The following KDM4A variants were observed in gnomAD, a reference collection of about 807,000 sequenced individuals.
KDM4A encodes lysine demethylase 4A, also known as lysine-specific demethylase 4A.
KDM4A carries 23 observed loss-of-function variants against 127.1 expected under a neutral mutation model. The observed-to-expected ratio is 0.18, with a 90% CI of 0.13 to 0.26. The LOEUF (loss-of-function observed/expected upper bound fraction) is 0.26, where lower values mean the gene tolerates loss of function less well. Among genes scored for constraint, KDM4A ranks in the 10% least tolerant of loss-of-function variants. KDM4A has a pLI of 1.00. For missense variants in KDM4A, 890 were observed against 1,329.1 expected, an observed-to-expected ratio of 0.67 and a Z score of 5.14; for synonymous variants, 443 against 466.5, an observed-to-expected ratio of 0.95 and a Z score of 0.65.
intron 11 of KDM4A, among the ~76,000 whole-genome samples, chr1:43,681,337 G>A (rs1190127395): frequency 1.3e-5 from 2 of 152,050 alleles, no homozygotes; most frequent in Admixed American, 6.6e-5. Context: ...GTCCCTGGAA[G>A]GCTTAGTCAA....
intron 4 of KDM4A, among the ~76,000 whole-genome samples, chr1:43,660,923 T>C (rs970422677): frequency 6.6e-6 from 1 of 152,176 alleles, no homozygotes; most frequent in African/African-American, 2.4e-5. Context: ...TTCAGATGAC[T>C]GAAAAACAGT....
chr1:43,702,654 A>C (rs1286697574), intron 19 of KDM4A: 1 of 152,174 alleles, frequency 6.6e-6, no homozygotes, highest in Non-Finnish European at 1.5e-5. Flanking sequence ...TGGGGTACTT[A>C]CCTGCTTCTG....
At chr1:43,665,199 T>C (rs1035359417) in intron 5 of KDM4A, among the ~76,000 whole-genome samples, 34 of 152,266 alleles carry the variant, frequency 2.2e-4, no homozygotes, top group African/African-American at 7.9e-4. Flanking sequence ...GTTGGGGAGA[T>C]AAAGGGAAAG....
Position 43,693,722 on chromosome 1 carries a change from T to C in KDM4A, c.2376-272T>C, listed in dbSNP as rs1443215870. On this transcript the variant is annotated intron_variant, in intron 16 of 21. Coordinates refer to ENST00000372396, the MANE Select transcript of KDM4A (RefSeq NM_014663.3). This position sits in a 1 kb window ranked among gnomAD's most constrained non-coding sequence, Gnocchi z 4.2. The stretch of plus-strand genomic sequence containing the variant: ...GCCACACACCATTAGCCTGCAGCTC[T>C]GTTCATTTTTCAACAGAGTGGTGTA... Among the ~76,000 whole-genome samples the C allele has an allele frequency of 6.6e-6, 1 of 152,224 alleles. No homozygotes were observed. Among genetic ancestry groups the C allele is most frequent in the Non-Finnish European group, 1.5e-5 (1 of 68,028 alleles).
chr1:43,669,220 G>A lies in KDM4A; in HGVS notation c.1284G>A (p.Thr428=), dbSNP rs770567261. 7 of 1,614,086 alleles carry A rather than the reference G, an allele frequency of 4.3e-6. No homozygotes were observed. Among genetic ancestry groups the A allele is most frequent in the East Asian group, 2.2e-5 (1 of 44,898 alleles). ...TGAGTTCTGAGCAGTATGAGATGACGGAGTGCCCGGCAGCCCTCGCCCCTG... is the reference window on the plus strand; with the variant it reads ...TGAGTTCTGAGCAGTATGAGATGACAGAGTGCCCGGCAGCCCTCGCCCCTG... The part of the protein sequence containing the change: ...EDLSSEQYEM[T]ECPAALAPVR... Residue 428 remains threonine (T), a synonymous_variant, in exon 10 of 22, where the codon ACG becomes ACA. Coordinates refer to ENST00000372396, the MANE Select transcript of KDM4A (RefSeq NM_014663.3).
chr1:43,691,030 C>T lies in KDM4A; in HGVS notation c.2223C>T (p.Cys741=), dbSNP rs1372560945. 6.2e-7 allele frequency: 1 copy of T among 1,614,144 alleles called. No individual in the cohort carries two copies. The highest frequency in any genetic ancestry group is 8.5e-7 in the Non-Finnish European group (1 of 1,180,032). The part of the protein sequence containing the change: ...GTSILVSCKK[C]SVRVHASCYG... ...GCATACTCGTTTCCTGCAAGAAGTG[C>T]AGCGTCCGGGTCCATGCCAGTGAGT... The change falls in exon 14 of 22, where the codon TGC becomes TGT. Residue 741 remains cysteine (C), a synonymous_variant. Coordinates refer to ENST00000372396, the MANE Select transcript of KDM4A (RefSeq NM_014663.3).
chr1:43,693,053 T>C lies in KDM4A; in HGVS notation c.2375+742T>C, dbSNP rs538154831. Among the ~76,000 whole-genome samples the C allele has an allele frequency of 1.3e-3, 203 of 152,350 alleles. 2 individuals are homozygous for C. Among genetic ancestry groups the C allele is most frequent in the Middle Eastern group, 3.4e-3 (1 of 294 alleles). On this transcript the variant is annotated intron_variant, in intron 16 of 21. Coordinates refer to ENST00000372396, the MANE Select transcript of KDM4A (RefSeq NM_014663.3). This position sits in a 1 kb window ranked among gnomAD's most constrained non-coding sequence, Gnocchi z 4.2. ...CTGCCCTCAAGAGTCCCAGTTATGC[T>C]GTCCCTGAGAGATAGCTACTCTGCC...
rs370564465 is a variant in KDM4A at position 43,683,738 on chromosome 1, C to T, written c.1789C>T (p.Arg597Cys). The T allele has an allele frequency of 5.4e-5, 87 of 1,614,038 alleles. 1 individual carries two copies. Among genetic ancestry groups the T allele is most frequent in the South Asian group, 4.9e-4 (45 of 91,046 alleles). Residue 597 changes from arginine (R) to cysteine (C), a missense_variant, in exon 12 of 22, where the codon CGT (arginine) becomes TGT (cysteine). Physicochemically the swap from Arg to Cys is radical, Grantham distance 180. Around this residue, in one of 7 missense-constraint regions of KDM4A, gnomAD observed 389 missense variants for 485.9 expected, o/e 0.80. Coordinates refer to ENST00000372396, the MANE Select transcript of KDM4A (RefSeq NM_014663.3). ...AGAGAATAAGAAGTCCAAGGGACGC[C>T]GTCAGCCTTTAAGCAAGCTCCCCCG... ...LEENKKSKGR[R>C]QPLSKLPRHH...
At chr1:43,665,591 T>TA (rs561543332) in intron 5 of KDM4A, 105 bp from the exon 6 acceptor site, 10,413 of 899,570 alleles carry the variant, frequency 0.012, 18 homozygotes, top group Non-Finnish European at 0.014. Context: ...CTTGGGAAGT[T>TA]AAAAAAAAAA....
intron 3 of KDM4A, among the ~76,000 whole-genome samples, chr1:43,658,261 G>A (rs529887990): frequency 2.6e-4 from 39 of 151,854 alleles, no homozygotes; most frequent in Non-Finnish European, 4.0e-4. Flanking sequence ...TAGTAGAGAC[G>A]GGGTTTCACC....
intron 4 of KDM4A, among the ~76,000 whole-genome samples, chr1:43,662,492 C>T (rs1660406487): frequency 1.3e-5 from 2 of 152,066 alleles, no homozygotes; most frequent in Admixed American, 6.5e-5. Context: ...CCTGTAATCC[C>T]AGGTGCGCGG....
chr1:43,667,880 G>T lies in KDM4A; in HGVS notation c.1024G>T (p.Asp342Tyr). Residue 342 changes from aspartate to tyrosine, a missense_variant, in exon 9 of 22, where the codon GAC becomes TAC. Physicochemically the swap from Asp to Tyr is radical, Grantham distance 160. This residue lies in a region of KDM4A where 389 missense variants were observed against 485.9 expected (regional missense o/e 0.80). Transcript: ENST00000372396. Reference sequence around the variant, plus strand: ...AGCTGGGAAGGACAACACAGTTATTGACCATACTCTGCCCACGCCAGAAGC... The same window carrying T: ...AGCTGGGAAGGACAACACAGTTATTTACCATACTCTGCCCACGCCAGAAGC... Reference protein sequence around the residue: ...WKAGKDNTVIDHTLPTPEAAE... With the variant: ...WKAGKDNTVIYHTLPTPEAAE... 2 of 1,614,144 alleles carry T rather than the reference G, an allele frequency of 1.2e-6. No individual in the cohort carries two copies. Among genetic ancestry groups the T allele is most frequent in the South Asian group, 2.2e-5 (2 of 91,046 alleles).
At position 43,692,236 on chromosome 1, in the gene KDM4A, T is replaced by G; in HGVS notation, c.2320-20T>G. ...TGACTTGGTATTAACCACTTTTTCC[T>G]CCCTCTCCTTTCTTGGCAGGACTGC... On this transcript the variant is annotated intron_variant, in intron 15 of 21. Coordinates refer to ENST00000372396, the MANE Select transcript of KDM4A (RefSeq NM_014663.3). The G allele has an allele frequency of 6.2e-7, 1 of 1,613,378 alleles. No individual in the cohort carries two copies. The highest frequency in any genetic ancestry group is 1.1e-5 in the South Asian group (1 of 91,068).
chr1:43,695,891 T>C (rs1661229623), intron 18 of KDM4A, among the ~76,000 whole-genome samples: 1 of 152,086 alleles, frequency 6.6e-6, no homozygotes, highest in South Asian at 2.1e-4. Flanking sequence ...CTCAGGTTAC[T>C]CCCTTGAGAG....
chr1:43,666,701 G>A (rs550347436), intron 7 of KDM4A, 146 bp downstream of exon 7: 2 of 733,070 alleles, frequency 2.7e-6, no homozygotes, highest in Non-Finnish European at 2.3e-6. Flanking sequence ...GAGCATTAAA[G>A]GTGGGGCCAC....
At position 43,694,117 on chromosome 1, in the gene KDM4A, A is replaced by G. The variant is rs1557919432; in HGVS notation, c.2484+15A>G. 1 of 1,591,020 alleles carries G rather than the reference A, an allele frequency of 6.3e-7. No individual in the cohort carries two copies. The highest frequency in any genetic ancestry group is 1.3e-5 in the African/African-American group (1 of 74,400). On this transcript the variant is annotated intron_variant, in intron 17 of 21. Transcript: ENST00000372396. This position sits in a 1 kb window ranked among gnomAD's most constrained non-coding sequence, Gnocchi z 5.2. ...GCTTCAAACTGGTAAGGGCTTGTAGACTCTACATAATTTCCCGACTTACAA... is the reference window on the plus strand; with the variant it reads ...GCTTCAAACTGGTAAGGGCTTGTAGGCTCTACATAATTTCCCGACTTACAA...
In KDM4A at chr1:43,650,149, A is replaced by G. The variant is rs1178760983; in HGVS notation, c.-143A>G. 5 of 152,284 alleles carry G rather than the reference A, an allele frequency of 3.3e-5. No individual in the cohort carries two copies. Among genetic ancestry groups the G allele is most frequent in the Admixed American group, 2.6e-4 (4 of 15,274 alleles). 9.4% of individuals were successfully genotyped at this position (152,284 alleles called of 1,614,324 possible). A position where few individuals can be genotyped will look rare whatever the true frequency, so the allele number is the denominator to read the frequency against. The stretch of plus-strand genomic sequence containing the variant: ...GTACGGCTGCGCAGATGCCGACTTT[A>G]GAGGAGGCGGAGTTTCGGCCTTCGC... On this transcript the variant is annotated 5_prime_UTR_variant, in exon 1 of 22. Coordinates refer to ENST00000372396, the MANE Select transcript of KDM4A (RefSeq NM_014663.3).
chr1:43,652,563 G>T (rs1660138081), intron 1 of KDM4A, among the ~76,000 whole-genome samples: 1 of 151,580 alleles, frequency 6.6e-6, no homozygotes, highest in South Asian at 2.1e-4. Flanking sequence ...TGCCCAGGCT[G>T]GTCTCAAACT....
chr1:43,658,338 T>G (rs1660295490), intron 3 of KDM4A, among the ~76,000 whole-genome samples: 1 of 152,144 alleles, frequency 6.6e-6, no homozygotes, highest in Non-Finnish European at 1.5e-5. Context: ...TCCCAAATGC[T>G]GGGATTACAG....
Sources: gnomAD v4.1 joint callset for allele counts (sites outside exome capture counted in the v4.1 genomes callset) on GRCh38, gnomAD v4.1.1 for gene constraint, gnomAD v4.1.1 regional missense constraint, Gnocchi (gnomAD v3.1) non-coding constraint, MANE v1.5 for transcripts, NCBI Gene and HGNC (gene_info 2026-07-23, HGNC 2026-07-21) for gene names.